Variants in RRP12 observed in about 807,000 individuals in gnomAD.
The protein encoded by RRP12 is RRP12-like protein.
In RRP12, 78 loss-of-function variants were observed where a neutral mutation model predicts 157.3. The ratio of observed to expected loss-of-function variants is 0.50; its 90% confidence interval spans 0.41 to 0.60. The LOEUF (loss-of-function observed/expected upper bound fraction) is 0.60. RRP12 is among the 20% of genes least tolerant of loss of function. The probability of loss-of-function intolerance (pLI) is 0.00; values close to 1 mark genes in which losing one functional copy is unlikely to be tolerated. For missense variants in RRP12, 1,521 were observed against 1,679.9 expected, an observed-to-expected ratio of 0.91 and a Z score of 1.65; for synonymous variants, 726 against 670.9, an observed-to-expected ratio of 1.08 and a Z score of -1.27.
In RRP12 at chr10:97,364,045, C is replaced by G; in HGVS notation, c.3518-142G>C. 5 of 714,922 alleles carry G rather than the reference C, an allele frequency of 7.0e-6. No individual in the cohort carries two copies. In the South Asian group the frequency reaches 7.8e-5, roughly 11 times the overall value. 44.3% of individuals were successfully genotyped at this position (714,922 alleles called of 1,614,324 possible). ...ATTGCCTTCCTCAGACCAATATCAT[C>G]CTTCTGCTAGAAGAGATGAGACCCC... On this transcript the variant is annotated intron_variant, in intron 29 of 33. Coordinates refer to ENST00000370992, the MANE Select transcript of RRP12 (RefSeq NM_015179.4).
chr10:97,393,607 G>T, intron 4 of RRP12, 77 bp downstream of exon 4: 1 of 1,119,286 alleles, frequency 8.9e-7, no homozygotes, highest in Non-Finnish European at 1.4e-6. Flanking sequence ...ACAATTCCCT[G>T]ATCCTGTTTC....
intron 25 of RRP12, 103 bp downstream of exon 25, chr10:97,369,321 AC>A: frequency 8.1e-7 from 1 of 1,230,306 alleles, no homozygotes; most frequent in Non-Finnish European, 1.1e-6. Flanking sequence ...ACCTCTGGCT[AC>A]AAAAAAAATA....
At chr10:97,395,483 C>G (rs1044775313) in intron 3 of RRP12, among the ~76,000 whole-genome samples, 1 of 151,044 alleles carries the variant, frequency 6.6e-6, no homozygotes, top group Admixed American at 6.6e-5. Context: ...TACCATGAGA[C>G]AGAGGTTGCA....
Position 97,373,894 on chromosome 10 carries a change from G to A in RRP12, c.1799C>T (p.Ala600Val). 6.2e-7 allele frequency: 1 copy of A among 1,612,846 alleles called. No individual in the cohort carries two copies. The highest frequency in any genetic ancestry group is 8.5e-7 in the Non-Finnish European group (1 of 1,179,768). Residue 600 changes from alanine (A) to valine (V), a missense_variant and splice_region_variant, in exon 16 of 34, where the codon GCC (alanine) becomes GTC (valine). Coordinates refer to ENST00000370992, the MANE Select transcript of RRP12 (RefSeq NM_015179.4). ...GCTGCCTGCCTGAGCCAGGTCCATG[G>A]CTGCAGTGTGACAGAGGGACAGAGT... ...LPLANTLKSK[A>V]MDLAQAGSTV...
At chr10:97,394,636 G>A (rs913369491) in intron 3 of RRP12, among the ~76,000 whole-genome samples, 3 of 152,060 alleles carry the variant, frequency 2.0e-5, no homozygotes, top group Non-Finnish European at 4.4e-5. Context: ...GCACTCCTCC[G>A]ATCTTGGCCT....
chr10:97,383,809 C>A (rs1045048135), intron 10 of RRP12, among the ~76,000 whole-genome samples: 2 of 152,326 alleles, frequency 1.3e-5, no homozygotes, highest in African/African-American at 4.8e-5. Context: ...ACTGAGTGCA[C>A]AGGAAGACAC....
Position 97,370,219 on chromosome 10 carries a change from G to A in RRP12, c.2745C>T (p.Thr915=). Residue 915 remains threonine (T), a synonymous_variant, in exon 24 of 34, where the codon ACC becomes ACT. Transcript: ENST00000370992. ...LIYPGLVGAV[T]MVSCSILALT... ...GGGCCAGGATGCTGCAGCTGACCAT[G>A]GTCACCGCGCCCACCAGGCCAGGGT... 1 of 1,607,070 alleles carries A rather than the reference G, an allele frequency of 6.2e-7. No individual in the cohort carries two copies. Among genetic ancestry groups the A allele is most frequent in the Non-Finnish European group, 8.5e-7 (1 of 1,177,320 alleles).
intron 2 of RRP12, among the ~76,000 whole-genome samples, chr10:97,397,638 G>A (rs1202338400): frequency 6.6e-6 from 1 of 151,598 alleles, no homozygotes; most frequent in Non-Finnish European, 1.5e-5. Flanking sequence ...GTTCAGTAGG[G>A]AAAAAGTTGC....
Position 97,373,737 on chromosome 10 carries a change from T to C in RRP12, c.1864A>G (p.Met622Val), listed in dbSNP as rs1309890297. 3.1e-6 allele frequency: 5 copies of C among 1,612,402 alleles called. No homozygotes were observed. Among genetic ancestry groups the C allele is most frequent in the Non-Finnish European group, 4.2e-6 (5 of 1,178,636 alleles). ...SKIYDTLQWQ[M>V]WTLLPGFCTR... Reference sequence around the variant, plus strand: ...CAGAACCCAGGCAGGAGTGTCCACATCTGGAGAAGGAGGGGACAATAAAGG... The same window carrying C: ...CAGAACCCAGGCAGGAGTGTCCACACCTGGAGAAGGAGGGGACAATAAAGG... The change falls in exon 17 of 34, where the codon ATG becomes GTG. Residue 622 changes from methionine (M) to valine (V), a missense_variant and splice_region_variant. Physicochemically the swap from Met to Val is conservative, Grantham distance 21 (BLOSUM62 1). Coordinates refer to ENST00000370992, the MANE Select transcript of RRP12 (RefSeq NM_015179.4).
intron 29 of RRP12, chr10:97,365,824 G>T: frequency 2.9e-6 from 1 of 340,546 alleles, no homozygotes; most frequent in Non-Finnish European, 5.3e-6. Context: ...GGGGGAGGAG[G>T]AGGAGAAAAA....
rs1364724475 is a variant in RRP12 at position 97,385,946 on chromosome 10, G to A, written c.1065C>T (p.Ala355=). ...CTGACAGGGTGCTCAGGCCAGGCCT[G>A]GCGTGGAAGAGGCTGTGAAAGGCCT... ...AMQAFHSLFH[A]RPGLSTLSAE... is the part of the protein sequence containing the mutation. Residue 355 remains alanine (A), a synonymous_variant, in exon 9 of 34, where the codon GCC becomes GCT. Coordinates refer to ENST00000370992, the MANE Select transcript of RRP12 (RefSeq NM_015179.4). 6.2e-7 allele frequency: 1 copy of A among 1,607,010 alleles called. No homozygotes were observed. The highest frequency in any genetic ancestry group is 1.3e-5 in the African/African-American group (1 of 74,952).
intron 20 of RRP12, 96 bp from the exon 21 acceptor site, chr10:97,371,177 G>A (rs1589419314): frequency 2.3e-6 from 3 of 1,286,238 alleles, no homozygotes; most frequent in East Asian, 5.0e-5. Flanking sequence ...TTCTGAGCAG[G>A]GGTCCGTGGG....
intron 6 of RRP12, among the ~76,000 whole-genome samples, 188 bp downstream of exon 6, chr10:97,390,235 C>G (rs1483179808): frequency 1.3e-5 from 2 of 152,228 alleles, no homozygotes; most frequent in African/African-American, 2.4e-5. Flanking sequence ...TGACAGGGAA[C>G]AGCCTCCTGG....
At chr10:97,365,217 C>T (rs1442097885) in intron 29 of RRP12, among the ~76,000 whole-genome samples, 4 of 149,934 alleles carry the variant, frequency 2.7e-5, no homozygotes, top group Admixed American at 6.6e-5. Context: ...GCCCAGAGCT[C>T]GCAGCACTGG....
chr10:97,388,513 T>C lies in RRP12; in HGVS notation c.865A>G (p.Ile289Val), dbSNP rs780439769. ...CCTCCAGACTTCTCAATCTCCTGGA[T>C]GCAGAACTTGGCAGTGGAAATGGCA... ...PAAISTAKFC[I>V]QEIEKSGGSK... Residue 289 changes from isoleucine (I) to valine (V), a missense_variant, in exon 7 of 34, where the codon ATC (isoleucine) becomes GTC (valine). Ile to Val is a conservative substitution (Grantham distance 29). Transcript: ENST00000370992. 7 of 1,614,068 alleles carry C rather than the reference T, an allele frequency of 4.3e-6. No individual in the cohort carries two copies. The Admixed American group carries it at 1.0e-4, about 23-fold the overall frequency.
At chr10:97,357,962 CAAA>C (rs1210048572) in intron 33 of RRP12, among the ~76,000 whole-genome samples, 5 of 77,724 alleles carry the variant, frequency 6.4e-5, no homozygotes, top group Admixed American at 1.5e-4. Flanking sequence ...GACTCCGTCT[CAAA>C]AAAAAAAAAA....
intron 3 of RRP12, among the ~76,000 whole-genome samples, chr10:97,395,632 C>T (rs376805919): frequency 3.3e-5 from 5 of 151,572 alleles, no homozygotes; most frequent in African/African-American, 1.2e-4. Context: ...AGGCAGATCA[C>T]GAGGTCAGGA....
At position 97,398,156 on chromosome 10, in the gene RRP12, G is replaced by A. The variant is rs1279911913; in HGVS notation, c.370-1855C>T. 7.9e-5 allele frequency among the ~76,000 whole-genome samples: 7 copies of A among 88,326 alleles called. 3 individuals are homozygous for A. The highest frequency in any genetic ancestry group is 2.8e-4 in the African/African-American group (5 of 17,740). 57.9% of individuals were successfully genotyped at this position (88,326 alleles called of 152,430 possible). ...TGCAAGCTCCGCTTCCCGGGTTCAC[G>A]CCATTCTCCTGCCTCAGCCTCCCGA... On this transcript the variant is annotated intron_variant, in intron 2 of 33. Coordinates refer to ENST00000370992, the MANE Select transcript of RRP12 (RefSeq NM_015179.4).
intron 15 of RRP12, among the ~76,000 whole-genome samples, chr10:97,375,942 A>G (rs1844293018): frequency 6.6e-6 from 1 of 152,118 alleles, no homozygotes; most frequent in South Asian, 2.1e-4. Flanking sequence ...TGTCTCTACT[A>G]AAAATAAAAA....
Sources: gnomAD v4.1 joint callset for allele counts (sites outside exome capture counted in the v4.1 genomes callset) on GRCh38, gnomAD v4.1.1 for gene constraint, MANE v1.5 for transcripts, NCBI Gene and HGNC (gene_info 2026-07-23, HGNC 2026-07-21) for gene names.